Variants in ENOX1 observed in about 807,000 individuals in gnomAD.
ENOX1 encodes candidate growth-related and time keeping constitutive hydroquinone (NADH) oxidase.
A neutral mutation model predicts 82.5 loss-of-function variants in ENOX1; 42 were observed. The ratio of observed to expected loss-of-function variants is 0.51; its 90% confidence interval spans 0.40 to 0.66. The LOEUF is 0.66. ENOX1 is among the 30% of genes least tolerant of loss of function. ENOX1 has a pLI of 0.00. For missense variants in ENOX1, 608 were observed against 811.6 expected, an observed-to-expected ratio of 0.75 and a Z score of 3.05; for synonymous variants, 271 against 282.2, an observed-to-expected ratio of 0.96 and a Z score of 0.40.
At chr13:43,768,979 T>C (rs1241578636) in intron 1 of ENOX1, among the ~76,000 whole-genome samples, 1 of 152,210 alleles carries the variant, frequency 6.6e-6, no homozygotes, top group Non-Finnish European at 1.5e-5. Context: ...CTAGTATCAG[T>C]GAAAATAAAA....
intron 14 of ENOX1, among the ~76,000 whole-genome samples, chr13:43,245,981 T>C (rs1277696753): frequency 1.3e-5 from 2 of 152,120 alleles, no homozygotes; most frequent in Admixed American, 1.3e-4. Flanking sequence ...GAAGGACCCT[T>C]TAAAGAAAGA....
At chr13:43,498,725 CCAAAA>C (rs2076878168) in intron 2 of ENOX1, among the ~76,000 whole-genome samples, 1 of 151,880 alleles carries the variant, frequency 6.6e-6, no homozygotes, top group Non-Finnish European at 1.5e-5. Context: ...AAATGAGTGG[CCAAAA>C]GCCACTCATT....
chr13:43,386,304 GA>G (rs1297248436), intron 5 of ENOX1, among the ~76,000 whole-genome samples: 1 of 152,226 alleles, frequency 6.6e-6, no homozygotes, highest in African/African-American at 2.4e-5. Flanking sequence ...GGGATGTGCT[GA>G]GGATGTATGA....
At chr13:43,535,477 C>T (rs780725446) in intron 2 of ENOX1, among the ~76,000 whole-genome samples, 1 of 152,120 alleles carries the variant, frequency 6.6e-6, no homozygotes, top group African/African-American at 2.4e-5. Context: ...CTCCCCCCAT[C>T]GTTAACTCAA....
At chr13:43,419,126 C>T (rs534729683) in intron 3 of ENOX1, among the ~76,000 whole-genome samples, 1 of 152,138 alleles carries the variant, frequency 6.6e-6, no homozygotes, top group South Asian at 2.1e-4. Flanking sequence ...CAGCGATGCA[C>T]ACATCATGAA....
intron 2 of ENOX1, chr13:43,547,160 G>A (rs2079008008): frequency 6.6e-6 from 1 of 152,208 alleles, no homozygotes; most frequent in South Asian, 2.1e-4. Context: ...ATATCTCTGA[G>A]AGTTCCACCC....
At chr13:43,381,679 A>G (rs2153575664) in intron 5 of ENOX1, among the ~76,000 whole-genome samples, 1 of 151,746 alleles carries the variant, frequency 6.6e-6, no homozygotes, top group Middle Eastern at 3.4e-3. Flanking sequence ...CTAATATTAG[A>G]CATAAGGAAT....
chr13:43,612,330 G>A (rs1249766040), intron 2 of ENOX1, among the ~76,000 whole-genome samples: 3 of 152,140 alleles, frequency 2.0e-5, no homozygotes, highest in South Asian at 2.1e-4. Flanking sequence ...GATGCCCCCT[G>A]TATGGATTAC....
intron 13 of ENOX1, among the ~76,000 whole-genome samples, chr13:43,267,295 C>T (rs904664752): frequency 6.6e-6 from 1 of 152,202 alleles, no homozygotes. Context: ...AAGCTATCCT[C>T]ATTGTAAATG....
At chr13:43,524,353 C>T (rs2077900974) in intron 2 of ENOX1, among the ~76,000 whole-genome samples, 1 of 152,126 alleles carries the variant, frequency 6.6e-6, no homozygotes, top group African/African-American at 2.4e-5. Context: ...ACGTGTTCCT[C>T]TCCAGGCTCC....
chr13:43,634,951 A>G (rs1461299623), intron 2 of ENOX1, among the ~76,000 whole-genome samples: 1 of 152,208 alleles, frequency 6.6e-6, no homozygotes, highest in East Asian at 1.9e-4. Context: ...CTAATCAGGC[A>G]TGGTGGCTCT....
intron 2 of ENOX1, among the ~76,000 whole-genome samples, chr13:43,517,849 G>T (rs796430148): frequency 5.3e-5 from 8 of 152,212 alleles, no homozygotes; most frequent in African/African-American, 1.9e-4. Flanking sequence ...CTTCCACCAT[G>T]CAAGGACACA....
chr13:43,352,935 T>G (rs1425536873), intron 8 of ENOX1, among the ~76,000 whole-genome samples: 1 of 152,202 alleles, frequency 6.6e-6, no homozygotes, highest in East Asian at 1.9e-4. Context: ...AGTGCACTAT[T>G]ATAAGTGGCA....
intron 2 of ENOX1, among the ~76,000 whole-genome samples, chr13:43,602,866 T>C (rs1041641591): frequency 6.6e-6 from 1 of 152,082 alleles, no homozygotes; most frequent in African/African-American, 2.4e-5. Context: ...AATTAAGTAG[T>C]AGACAAACAC....
At chr13:43,564,614 A>G (rs995102414) in intron 2 of ENOX1, among the ~76,000 whole-genome samples, 13 of 152,160 alleles carry the variant, frequency 8.5e-5, no homozygotes, top group Non-Finnish European at 5.9e-5. Flanking sequence ...ACTGGATAGT[A>G]GGAGAGGATT....
intron 3 of ENOX1, among the ~76,000 whole-genome samples, chr13:43,437,495 G>A (rs2056104278): frequency 6.6e-6 from 1 of 152,144 alleles, no homozygotes; most frequent in South Asian, 2.1e-4. Context: ...CTATGGAAAT[G>A]ACCCATAATG....
chr13:43,283,601 A>G (rs1052361868), intron 12 of ENOX1, among the ~76,000 whole-genome samples: 2 of 151,060 alleles, frequency 1.3e-5, no homozygotes, highest in African/African-American at 4.9e-5. Flanking sequence ...ACGTGCTACT[A>G]TGCCTAGCTA....
chr13:43,583,541 T>C (rs2080843778), intron 2 of ENOX1, among the ~76,000 whole-genome samples: 2 of 152,206 alleles, frequency 1.3e-5, no homozygotes, highest in South Asian at 2.1e-4. Flanking sequence ...TTTGTATCTA[T>C]GTTTGGAATG....
At chr13:43,412,296 G>GTACC (rs1330833607) in intron 4 of ENOX1, among the ~76,000 whole-genome samples, 1 of 152,106 alleles carries the variant, frequency 6.6e-6, no homozygotes, top group African/African-American at 2.4e-5. Context: ...TATTAAGGAG[G>GTACC]TACCCCTGGA....
Sources: allele counts gnomAD v4.1 joint callset (sites outside exome capture counted in the v4.1 genomes callset), GRCh38; gene constraint gnomAD v4.1.1; transcripts MANE v1.5; gene names NCBI Gene and HGNC (gene_info 2026-07-23, HGNC 2026-07-21).